TTC5: variants seen among roughly 807,000 people sequenced by gnomAD.
TTC5 encodes tetratricopeptide repeat domain 5.
Under a neutral mutation model 57.4 loss-of-function variants are expected in TTC5, and 46 were observed. The ratio of observed to expected loss-of-function variants is 0.80; its 90% CI spans 0.63 to 1.03. TTC5 has a LOEUF of 1.03. Among genes scored for constraint, TTC5 ranks in the 50% least tolerant of loss-of-function variants. TTC5 has a pLI of 0.00. For missense variants in TTC5, 504 were observed against 528.1 expected, an observed-to-expected ratio of 0.95 and a Z score of 0.45; for synonymous variants, 190 against 203.5, an observed-to-expected ratio of 0.93 and a Z score of 0.57.
chr14:20,292,378 G>A (rs1474395308), intron 8 of TTC5: 1 of 217,998 alleles, frequency 4.6e-6, no homozygotes, highest in Non-Finnish European at 8.9e-6. Flanking sequence ...ATATATCTGA[G>A]TCTTCATTTT....
rs1953552 is a variant in TTC5 at position 20,296,426 on chromosome 14, A to C, written c.660T>G (p.Ala220=). 771,186 of 1,607,146 alleles carry C rather than the reference A, an allele frequency of 0.48. 188,297 individuals are homozygous for C. Among genetic ancestry groups the C allele is most frequent in the East Asian group, 0.52 (23,390 of 44,812 alleles). Residue 220 remains alanine (A), a synonymous_variant, in exon 6 of 10, where the codon GCT becomes GCG. Transcript: ENST00000258821. Reference sequence around the variant, plus strand: ...TCAGATGAAGGTCAGGATTGCTAGAAGCTTTTCTGTCAACTTTCTCCTATA... The same window carrying C: ...TCAGATGAAGGTCAGGATTGCTAGACGCTTTTCTGTCAACTTTCTCCTATA... The part of the protein sequence containing the change: ...YAQAEKVDRK[A]SSNPDLHLNR...
intron 3 of TTC5, among the ~76,000 whole-genome samples, chr14:20,299,700 GCA>G (rs1253323396): frequency 1.3e-5 from 2 of 151,932 alleles, no homozygotes; most frequent in Non-Finnish European, 2.9e-5. Context: ...CTACAGGTAT[GCA>G]CCACCATGCC....
chr14:20,295,380 C>A lies in TTC5; in HGVS notation c.990G>T (p.Gly330=), dbSNP rs1253377726. The A allele has an allele frequency of 5.6e-6, 9 of 1,614,184 alleles. No homozygotes were observed. Among genetic ancestry groups the A allele is most frequent in the Non-Finnish European group, 7.6e-6 (9 of 1,180,042 alleles). ...ELKPLSTLQP[G]VNSGAVILGK... ...CCAGGATGACGGCACCGCTGTTCAC[C>A]CCAGGCTGAAGCGTACTCAGTGGCT... is the stretch of plus-strand genomic sequence containing the variant. The change falls in exon 8 of 10, where the codon GGG becomes GGT. Residue 330 remains glycine (G), a synonymous_variant. Coordinates refer to ENST00000258821, the MANE Select transcript of TTC5 (RefSeq NM_138376.3).
At chr14:20,290,157 T>C (rs146652652) in intron 9 of TTC5, among the ~76,000 whole-genome samples, 4 of 152,350 alleles carry the variant, frequency 2.6e-5, no homozygotes, top group East Asian at 1.9e-4. Flanking sequence ...CAAATGTTTA[T>C]AAGGTCCTAA....
At chr14:20,291,878 A>T in intron 9 of TTC5, 105 bp downstream of exon 9, 1 of 1,021,346 alleles carries the variant, frequency 9.8e-7, no homozygotes, top group Non-Finnish European at 1.3e-6. Context: ...CACATAGCCT[A>T]CACACATACT....
Position 20,289,741 on chromosome 14 carries a change from A to G in TTC5, c.1209T>C (p.Tyr403=). 6.2e-6 allele frequency: 10 copies of G among 1,612,912 alleles called. No homozygotes were observed. Among genetic ancestry groups the G allele is most frequent in the Non-Finnish European group, 8.5e-6 (10 of 1,179,418 alleles). ...LHRIQHKGKD[Y]SFSSVRVETP... is the part of the protein sequence containing the mutation. ...TCTCCACTCGAACACTGGAAAAGGAATAGTCCTAGAAAAGACAGACAGACA... is the reference window on the plus strand; with the variant it reads ...TCTCCACTCGAACACTGGAAAAGGAGTAGTCCTAGAAAAGACAGACAGACA... The change falls in exon 10 of 10, where the codon TAT becomes TAC. Residue 403 remains tyrosine, a synonymous_variant. Transcript: ENST00000258821.
Position 20,299,364 on chromosome 14 carries a change from C to T in TTC5, c.481G>A (p.Val161Ile), listed in dbSNP as rs1882134021. ...TDTEDEHSHH[V>I]MDSVRQAKLA... ...TTAGCCTGTCGGACACTGTCCATGA[C>T]ATGGTGAGAATGTTCATCTTCAGTG... The change falls in exon 4 of 10, where the codon GTC becomes ATC. Residue 161 changes from valine (V) to isoleucine (I), a missense_variant. By Grantham distance (29) the Val-to-Ile change is conservative. Transcript: ENST00000258821. The T allele has an allele frequency of 5.0e-6, 8 of 1,614,142 alleles. No homozygotes were observed. The East Asian group carries it at 1.8e-4, about 36-fold the overall frequency.
At position 20,296,383 on chromosome 14, in the gene TTC5, G is replaced by A; in HGVS notation, c.696+7C>T. On this transcript the variant is annotated splice_region_variant and intron_variant, in intron 6 of 9. Coordinates refer to ENST00000258821, the MANE Select transcript of TTC5 (RefSeq NM_138376.3). ...ACCCTCAGATGACTACACCCCAAAG[G>A]TCTTACCGTCGCCCTGTTCAGATGA... is the stretch of plus-strand genomic sequence containing the variant. 1 of 1,610,380 alleles carries A rather than the reference G, an allele frequency of 6.2e-7. No individual in the cohort carries two copies. Among genetic ancestry groups the A allele is most frequent in the Non-Finnish European group, 8.5e-7 (1 of 1,176,564 alleles).
At position 20,292,082 on chromosome 14, in the gene TTC5, C is replaced by A. The variant is rs758505803; in HGVS notation, c.1104G>T (p.Met368Ile). The A allele has an allele frequency of 2.1e-5, 34 of 1,593,216 alleles. No individual in the cohort carries two copies. Among genetic ancestry groups the A allele is most frequent in the Non-Finnish European group, 2.8e-5 (33 of 1,169,750 alleles). Residue 368 changes from methionine (M) to isoleucine (I), a missense_variant, in exon 9 of 10, where the codon ATG (methionine) becomes ATT (isoleucine). Transcript: ENST00000258821. ...VDSDGPCYAV[M>I]VYNIVQSWGV... is the part of the protein sequence containing the mutation. Reference sequence around the variant, plus strand: ...CCCAGCTCTGCACTATATTGTACACCATCACTGCATAGCAAGGTCCATCTG... The same window carrying A: ...CCCAGCTCTGCACTATATTGTACACAATCACTGCATAGCAAGGTCCATCTG...
rs1401850521 is a variant in TTC5 at position 20,289,388 on chromosome 14, G to A, written c.*239C>T. On this transcript the variant is annotated 3_prime_UTR_variant, in exon 10 of 10. Coordinates refer to ENST00000258821, the MANE Select transcript of TTC5 (RefSeq NM_138376.3). ...TTCCATGCTCTTTGCTTAAAACATA[G>A]AGAGCAGTGGAAGAGACAGGAGAGA... The A allele has an allele frequency of 2.9e-6, 1 of 348,320 alleles. No individual in the cohort carries two copies. The highest frequency in any genetic ancestry group is 5.2e-6 in the Non-Finnish European group (1 of 191,702). 21.6% of individuals were successfully genotyped at this position (348,320 alleles called of 1,614,324 possible).
intron 1 of TTC5, 42 bp from the exon 2 acceptor site, chr14:20,302,007 T>G: frequency 6.2e-7 from 1 of 1,609,544 alleles, no homozygotes; most frequent in Non-Finnish European, 8.5e-7. Context: ...GAAAGATCAC[T>G]GGATAGGGAA....
At position 20,286,578 on chromosome 14, in the gene TTC5, C is replaced by T. The variant is rs1040266636; in HGVS notation, c.*3049G>A. 14 of 151,968 alleles carry T rather than the reference C, an allele frequency of 9.2e-5. No homozygotes were observed. In the East Asian group the frequency reaches 1.7e-3, roughly 19 times the overall value. The allele number at this position is 151,968 out of a possible 1,614,324, so 9.4% of individuals were successfully genotyped here. ...GTACATAACATAAAATAAAGTCATA[C>T]TGTAAGAAAAGGACAAAATAACTTC... is the stretch of plus-strand genomic sequence containing the variant. On this transcript the variant is annotated 3_prime_UTR_variant, in exon 10 of 10. Coordinates refer to ENST00000258821, the MANE Select transcript of TTC5 (RefSeq NM_138376.3).
chr14:20,296,376 C>A lies in TTC5; in HGVS notation c.696+14G>T, dbSNP rs201444729. ...TTATTTGACCCTCAGATGACTACACCCCAAAGGTCTTACCGTCGCCCTGTT... is the reference window on the plus strand; with the variant it reads ...TTATTTGACCCTCAGATGACTACACACCAAAGGTCTTACCGTCGCCCTGTT... On this transcript the variant is annotated intron_variant, in intron 6 of 9. Transcript: ENST00000258821. The A allele has an allele frequency of 3.0e-4, 490 of 1,608,198 alleles. No individual in the cohort carries two copies. The highest frequency in any genetic ancestry group is 3.9e-4 in the Non-Finnish European group (453 of 1,174,704).
intron 4 of TTC5, 35 bp downstream of exon 4, chr14:20,299,263 T>C (rs777252759): frequency 6.2e-7 from 1 of 1,605,560 alleles, no homozygotes; most frequent in South Asian, 1.1e-5. Flanking sequence ...ACATCTGCTC[T>C]AGAAACCTGT....
intron 3 of TTC5, among the ~76,000 whole-genome samples, chr14:20,299,796 G>A (rs1170396952): frequency 6.9e-6 from 1 of 145,608 alleles, no homozygotes; most frequent in Admixed American, 6.9e-5. Context: ...CAAGTGATCT[G>A]CCTGCCTCAG....
intron 3 of TTC5, 154 bp downstream of exon 3, chr14:20,300,453 C>T: frequency 1.6e-6 from 1 of 631,684 alleles, no homozygotes; most frequent in Non-Finnish European, 2.7e-6. Context: ...CTATTTTCCT[C>T]ATTCAGGTCT....
chr14:20,297,536 C>A (rs545002625), intron 5 of TTC5, among the ~76,000 whole-genome samples: 19 of 152,116 alleles, frequency 1.2e-4, no homozygotes, highest in Middle Eastern at 3.4e-3. Context: ...TTTGGGAGAC[C>A]GAGGCGGATG....
intron 9 of TTC5, 115 bp downstream of exon 9, chr14:20,291,866 TAC>T: frequency 1.2e-6 from 1 of 854,466 alleles, no homozygotes; most frequent in East Asian, 3.4e-5. Flanking sequence ...CAAATATATA[TAC>T]ACATAGCCTA....
rs892079544 is a variant in TTC5 at position 20,298,819 on chromosome 14, G to A, written c.617C>T (p.Ala206Val). The change falls in exon 5 of 10, where the codon GCC becomes GTC. Residue 206 changes from alanine (A) to valine (V), a missense_variant. Coordinates refer to ENST00000258821, the MANE Select transcript of TTC5 (RefSeq NM_138376.3). The stretch of plus-strand genomic sequence containing the variant: ...TACTGCTTGGGCATAGGCACTGAGG[G>A]CTTGCTGGGAGATCTTAGGGTTCTG... ...TGQNPKISQQALSAYAQAEKV... is the reference protein window; with the variant it reads ...TGQNPKISQQVLSAYAQAEKV... 8 of 1,613,886 alleles carry A rather than the reference G, an allele frequency of 5.0e-6. No individual in the cohort carries two copies. The highest frequency in any genetic ancestry group is 6.8e-6 in the Non-Finnish European group (8 of 1,179,736).
Sources: gnomAD v4.1 joint callset for allele counts (sites outside exome capture counted in the v4.1 genomes callset) on GRCh38, gnomAD v4.1.1 for gene constraint, MANE v1.5 for transcripts, NCBI Gene and HGNC (gene_info 2026-07-23, HGNC 2026-07-21) for gene names.